Variants in SYNJ1 observed in about 807,000 individuals in gnomAD.
SYNJ1 encodes the protein polyphosphatidylinositol phosphatase SYNJ1.
In SYNJ1, 78 loss-of-function variants were observed where a neutral mutation model predicts 168.2. That is an observed-to-expected ratio of 0.46 (90% CI 0.39 to 0.56). The LOEUF is 0.56. Ranked by LOEUF, SYNJ1 falls within the 20% of genes least tolerant of loss-of-function variation. The pLI is 0.00. For synonymous variants in SYNJ1, 539 were observed against 548.6 expected (o/e 0.98, Z 0.24); for missense variants, 1,303 against 1,597.6 (o/e 0.82, Z 3.14).
At chr21:32,653,532 T>G (rs1474250291) in intron 21 of SYNJ1, 166 bp from the exon 22 acceptor site, 2 of 575,180 alleles carry the variant, frequency 3.5e-6, no homozygotes, top group Non-Finnish European at 3.1e-6. Flanking sequence ...AGGGCACTCT[T>G]CCCCTAAAAA....
intron 14 of SYNJ1, among the ~76,000 whole-genome samples, chr21:32,671,914 C>G (rs569677889): frequency 4.6e-5 from 7 of 151,648 alleles, no homozygotes; most frequent in African/African-American, 1.7e-4. Flanking sequence ...AAAAAATTAG[C>G]CGGGCACGGT....
At chr21:32,637,406 C>CTTTTT (rs5843562) in intron 31 of SYNJ1, among the ~76,000 whole-genome samples, 66 of 100,238 alleles carry the variant, frequency 6.6e-4, no homozygotes, top group East Asian at 8.5e-4. Context: ...TTTCTTTTTT[C>CTTTTT]TTTTTTTTTT....
chr21:32,688,743 CAACAGGTAAAAT>C (rs2041919650), intron 6 of SYNJ1, among the ~76,000 whole-genome samples: 1 of 152,038 alleles, frequency 6.6e-6, no homozygotes, highest in Non-Finnish European at 1.5e-5. Flanking sequence ...ACCAAAATAC[CAACAGGTAAAAT>C]AACTTGCTAT....
chr21:32,646,985 A>T (rs578013304), intron 23 of SYNJ1, among the ~76,000 whole-genome samples: 5 of 152,258 alleles, frequency 3.3e-5, no homozygotes, highest in Admixed American at 3.3e-4. Context: ...ACCCAGGTCC[A>T]GCCTCAGAGT....
At chr21:32,691,727 T>C (rs2042032735) in intron 6 of SYNJ1, among the ~76,000 whole-genome samples, 1 of 152,238 alleles carries the variant, frequency 6.6e-6, no homozygotes, top group African/African-American at 2.4e-5. Context: ...GTATTTATCT[T>C]TTCCATAAAA....
At chr21:32,720,191 A>T (rs938691027) in intron 2 of SYNJ1, among the ~76,000 whole-genome samples, 1 of 152,232 alleles carries the variant, frequency 6.6e-6, no homozygotes, top group African/African-American at 2.4e-5. Flanking sequence ...GTGAGCCGAG[A>T]TCGCACCATT....
chr21:32,671,534 T>A (rs563659728), intron 14 of SYNJ1, among the ~76,000 whole-genome samples: 29 of 152,344 alleles, frequency 1.9e-4, no homozygotes, highest in African/African-American at 6.7e-4. Flanking sequence ...AAAGCCAAAC[T>A]GCCTGAGTTC....
chr21:32,650,034 G>T, intron 23 of SYNJ1, 150 bp downstream of exon 23: 1 of 895,494 alleles, frequency 1.1e-6, no homozygotes, highest in Non-Finnish European at 1.6e-6. Flanking sequence ...GCAGGCATGA[G>T]CTGCCGCACC....
At chr21:32,671,380 T>G (rs2041182306) in intron 14 of SYNJ1, among the ~76,000 whole-genome samples, 1 of 152,186 alleles carries the variant, frequency 6.6e-6, no homozygotes, top group Non-Finnish European at 1.5e-5. Context: ...TATTGACTGC[T>G]ATTATGTGCA....
chr21:32,681,091 T>C (rs894059348), intron 11 of SYNJ1, among the ~76,000 whole-genome samples: 2 of 152,198 alleles, frequency 1.3e-5, no homozygotes, highest in African/African-American at 2.4e-5. Context: ...CTGTGTTAAG[T>C]GCAGGGAACG....
intron 2 of SYNJ1, among the ~76,000 whole-genome samples, chr21:32,713,679 C>CATATATCAACATGGATGATTTCCT (rs2042920195): frequency 6.8e-6 from 1 of 147,586 alleles, no homozygotes; most frequent in Non-Finnish European, 1.5e-5. Flanking sequence ...GATGATTTCC[C>CATATATCAACATGGATGATTTCCT]ATATATCAAC....
chr21:32,664,604 C>T (rs1462125160), intron 18 of SYNJ1, among the ~76,000 whole-genome samples: 2 of 152,064 alleles, frequency 1.3e-5, no homozygotes, highest in East Asian at 3.9e-4. Context: ...CATGGACTCC[C>T]TTAGAGCTGT....
chr21:32,691,014 C>A (rs2042005448), intron 6 of SYNJ1, among the ~76,000 whole-genome samples: 1 of 152,102 alleles, frequency 6.6e-6, no homozygotes, highest in African/African-American at 2.4e-5. Flanking sequence ...ACTTCTTTAC[C>A]TTCACATATT....
rs117010323 is a variant in SYNJ1 at position 32,648,831 on chromosome 21, T to C, written c.3037+1353A>G. 2.5e-4 allele frequency among the ~76,000 whole-genome samples: 38 copies of C among 152,300 alleles called. No individual in the cohort carries two copies. In the East Asian group the frequency reaches 6.7e-3, roughly 27 times the overall value. ...GACTGACTCCATGAACATCTCAAATTCAACATATCCGAAACAAAATTCATC... is the reference window on the plus strand; with the variant it reads ...GACTGACTCCATGAACATCTCAAATCCAACATATCCGAAACAAAATTCATC... On this transcript the variant is annotated intron_variant, in intron 23 of 32. Transcript: ENST00000674351.
chr21:32,716,484 G>A (rs960753310), intron 2 of SYNJ1, among the ~76,000 whole-genome samples: 4 of 152,142 alleles, frequency 2.6e-5, no homozygotes, highest in Non-Finnish European at 4.4e-5. Flanking sequence ...TGTTCCCAAT[G>A]TCCTCTGGCT....
chr21:32,666,159 C>A (rs563431502), intron 16 of SYNJ1, 24 bp from the exon 17 acceptor site: 2 of 1,571,030 alleles, frequency 1.3e-6, no homozygotes, highest in Admixed American at 1.9e-5. Flanking sequence ...AATTCTAAAT[C>A]GCAGATTTGA....
At chr21:32,714,330 G>A (rs1158744864) in intron 2 of SYNJ1, among the ~76,000 whole-genome samples, 1 of 152,178 alleles carries the variant, frequency 6.6e-6, no homozygotes, top group African/African-American at 2.4e-5. Context: ...AATCACTGAA[G>A]AGTATTAGGC....
At chr21:32,697,908 T>C (rs1487613510) in intron 4 of SYNJ1, among the ~76,000 whole-genome samples, 1 of 152,112 alleles carries the variant, frequency 6.6e-6, no homozygotes, top group African/African-American at 2.4e-5. Flanking sequence ...TATCTCTCAA[T>C]CTAAGAAACT....
At position 32,666,108 on chromosome 21, in the gene SYNJ1, A is replaced by G; in HGVS notation, c.1980T>C (p.Thr660=). The G allele has an allele frequency of 1.2e-6, 2 of 1,608,770 alleles. No individual in the cohort carries two copies. The highest frequency in any genetic ancestry group is 1.7e-6 in the Non-Finnish European group (2 of 1,178,358). Reference sequence around the variant, plus strand: ...TATTTCCAGTTGCACCTCCCATTCCAGTCTTCACAGTATCAACTGCAACAT... The same window carrying G: ...TATTTCCAGTTGCACCTCCCATTCCGGTCTTCACAGTATCAACTGCAACAT... ...IRDVAVDTVK[T]GMGGATGNKG... The change falls in exon 17 of 33, where the codon ACT becomes ACC. Residue 660 remains threonine, a synonymous_variant. Coordinates refer to ENST00000674351, the MANE Select transcript of SYNJ1 (RefSeq NM_203446.3).
Sources: gnomAD v4.1 joint callset for allele counts (sites outside exome capture counted in the v4.1 genomes callset) on GRCh38, gnomAD v4.1.1 for gene constraint, MANE v1.5 for transcripts, NCBI Gene and HGNC (gene_info 2026-07-23, HGNC 2026-07-21) for gene names.